SLC35B4: variants seen among roughly 807,000 people sequenced by gnomAD.
SLC35B4 encodes the protein nucleotide sugar transporter SLC35B4.
A neutral mutation model predicts 39.5 loss-of-function variants in SLC35B4; 28 were observed. That is an observed-to-expected ratio of 0.71 (90% CI 0.53 to 0.97). The LOEUF is 0.97. SLC35B4 is among the 50% of genes least tolerant of loss of function. The probability of loss-of-function intolerance (pLI) is 0.00; values close to 1 mark genes in which losing one functional copy is unlikely to be tolerated. For missense variants in SLC35B4, 334 were observed against 414.3 expected (o/e 0.81, Z 1.68); for synonymous variants, 145 against 150.4 (o/e 0.96, Z 0.26).
chr7:134,315,139 G>T (rs1803943431), intron 1 of SLC35B4, among the ~76,000 whole-genome samples: 1 of 152,160 alleles, frequency 6.6e-6, no homozygotes, highest in South Asian at 2.1e-4. Context: ...CAAAATCTAT[G>T]GGCTGCTCAA....
intron 8 of SLC35B4, 87 bp from the exon 9 acceptor site, chr7:134,296,553 T>C: frequency 1.1e-6 from 1 of 888,250 alleles, no homozygotes; most frequent in Non-Finnish European, 1.8e-6. Flanking sequence ...AGACTGAACA[T>C]AATAGGAACA....
At chr7:134,296,616 C>T (rs1417045590) in intron 8 of SLC35B4, 150 bp from the exon 9 acceptor site, 4 of 584,222 alleles carry the variant, frequency 6.8e-6, no homozygotes, top group African/African-American at 5.6e-5. Flanking sequence ...CTTTACTTGC[C>T]TTGACTCCAG....
upstream of SLC35B4, among the ~76,000 whole-genome samples, chr7:134,319,744 C>G (rs571975699): frequency 1.0e-3 from 155 of 152,312 alleles, 1 homozygote; most frequent in African/African-American, 3.5e-3. Flanking sequence ...CCCTAATAGG[C>G]CTTTATTTCT....
rs1055817416 is a variant in SLC35B4 at position 134,294,349 on chromosome 7, T to G, written c.*484A>C. ...GTGTCTCGGTTTACTTGGCCACTCC[T>G]GGTGATAGTGGTGCCTGCAGCGTCT... On this transcript the variant is annotated 3_prime_UTR_variant, in exon 10 of 10. Coordinates refer to ENST00000378509, the MANE Select transcript of SLC35B4 (RefSeq NM_032826.5). 1.3e-5 allele frequency: 2 copies of G among 157,466 alleles called. No individual in the cohort carries two copies. The highest frequency in any genetic ancestry group is 4.8e-5 in the African/African-American group (2 of 41,498). 9.8% of individuals were successfully genotyped at this position (157,466 alleles called of 1,614,324 possible).
At chr7:134,317,934 G>A (rs965188399), upstream of SLC35B4, among the ~76,000 whole-genome samples, 1 of 152,182 alleles carries the variant, frequency 6.6e-6, no homozygotes, top group East Asian at 1.9e-4. Context: ...TCACTGCTCA[G>A]TATTTTACCA....
In SLC35B4 at chr7:134,294,844, T is replaced by C. The variant is rs1293281968; in HGVS notation, c.985A>G (p.Lys329Glu). The part of the protein sequence containing the change: ...TTKSEPQKDS[K>E]KN ...ACTCCAGACAGGCCTCAGTTCTTCT[T>C]GCTGTCCTTCTGAGGCTCACTTTTT... The change falls in exon 10 of 10, where the codon AAG (lysine) becomes GAG (glutamate). Residue 329 changes from lysine (K) to glutamate (E), a missense_variant. Transcript: ENST00000378509. 6.2e-7 allele frequency: 1 copy of C among 1,614,052 alleles called. No individual in the cohort carries two copies. The highest frequency in any genetic ancestry group is 8.5e-7 in the Non-Finnish European group (1 of 1,179,986).
At chr7:134,312,233 C>T (rs992442778) in intron 1 of SLC35B4, among the ~76,000 whole-genome samples, 1 of 152,108 alleles carries the variant, frequency 6.6e-6, no homozygotes, top group African/African-American at 2.4e-5. Context: ...ATTTCACTGT[C>T]GTAGTGAGTA....
chr7:134,302,882 G>C (rs1436841786), intron 4 of SLC35B4, among the ~76,000 whole-genome samples: 2 of 152,158 alleles, frequency 1.3e-5, no homozygotes, highest in African/African-American at 4.8e-5. Flanking sequence ...AATGGGCAGA[G>C]AAAGGGACTA....
At chr7:134,312,664 A>C (rs191913983) in intron 1 of SLC35B4, among the ~76,000 whole-genome samples, 2 of 152,372 alleles carry the variant, frequency 1.3e-5, no homozygotes, top group African/African-American at 4.8e-5. Context: ...AATGATTCAC[A>C]TGACATGTGT....
intron 1 of SLC35B4, among the ~76,000 whole-genome samples, chr7:134,314,806 T>A (rs1803931930): frequency 1.3e-5 from 2 of 152,204 alleles, no homozygotes. Flanking sequence ...AGTGCTGGGA[T>A]TACAGGTGTG....
At chr7:134,303,673 G>A (rs956110411) in intron 4 of SLC35B4, among the ~76,000 whole-genome samples, 2 of 152,150 alleles carry the variant, frequency 1.3e-5, no homozygotes, top group Non-Finnish European at 2.9e-5. Flanking sequence ...TACTTTCCAA[G>A]CATGTATAGA....
chr7:134,316,778 C>G lies in SLC35B4; in HGVS notation c.-27G>C. ...GCCGGTGCAGGGTTGGGGAAGCAAG[C>G]GCACAGAGTAAGCGCCCGCCTGTAC... On this transcript the variant is annotated 5_prime_UTR_variant, in exon 1 of 10. Coordinates refer to ENST00000378509, the MANE Select transcript of SLC35B4 (RefSeq NM_032826.5). 1 of 1,540,608 alleles carries G rather than the reference C, an allele frequency of 6.5e-7. No homozygotes were observed. Among genetic ancestry groups the G allele is most frequent in the South Asian group, 1.2e-5 (1 of 83,440 alleles).
Position 134,294,726 on chromosome 7 carries a change from G to T in SLC35B4, c.*107C>A. 7.0e-7 allele frequency: 1 copy of T among 1,421,146 alleles called. No individual in the cohort carries two copies. The highest frequency in any genetic ancestry group is 9.5e-7 in the Non-Finnish European group (1 of 1,048,608). 88.0% of individuals were successfully genotyped at this position (1,421,146 alleles called of 1,614,324 possible). ...CCTGAAGATTTCCTTTTGCACGGCT[G>T]GCTCAGCACTGCGGGTAGCTCGGCA... On this transcript the variant is annotated 3_prime_UTR_variant, in exon 10 of 10. Coordinates refer to ENST00000378509, the MANE Select transcript of SLC35B4 (RefSeq NM_032826.5).
rs1167575515 is a variant in SLC35B4, at chr7:134,291,820, A to G, written c.*3013T>C. ...AATCAAAAATAAATTACTAATAAAC[A>G]TGAAAAAGATAACATGTTTCTAATA... On this transcript the variant is annotated 3_prime_UTR_variant, in exon 10 of 10. Coordinates refer to ENST00000378509, the MANE Select transcript of SLC35B4 (RefSeq NM_032826.5). 2.6e-5 allele frequency: 4 copies of G among 152,280 alleles called. No individual in the cohort carries two copies. Among genetic ancestry groups the G allele is most frequent in the Admixed American group, 2.0e-4 (3 of 15,290 alleles). 9.4% of individuals were successfully genotyped at this position (152,280 alleles called of 1,614,324 possible).
chr7:134,314,185 T>C (rs2117322909), intron 1 of SLC35B4, among the ~76,000 whole-genome samples: 1 of 152,338 alleles, frequency 6.6e-6, no homozygotes, highest in African/African-American at 2.4e-5. Context: ...CTTTCTTTTA[T>C]ATATTAAAGA....
At chr7:134,306,300 G>A (rs967839772) in intron 3 of SLC35B4, among the ~76,000 whole-genome samples, 3 of 149,126 alleles carry the variant, frequency 2.0e-5, no homozygotes, top group Non-Finnish European at 3.0e-5. Context: ...TCTCTTTCAT[G>A]TTCTAGAAGT....
rs770425980 is a variant in SLC35B4, at chr7:134,295,083, G to A, written c.750-4C>T. On this transcript the variant is annotated splice_region_variant and splice_polypyrimidine_tract_variant and intron_variant, in intron 9 of 9. Transcript: ENST00000378509. The stretch of plus-strand genomic sequence containing the variant: ...CACACCCCGGATGCACACGTACCTG[G>A]AGGAGTGGAGTCAAGGTAGTTTTCT... 7.4e-6 allele frequency: 12 copies of A among 1,613,614 alleles called. No homozygotes were observed. Among genetic ancestry groups the A allele is most frequent in the Non-Finnish European group, 1.0e-5 (12 of 1,179,786 alleles).
chr7:134,318,524 C>G (rs1804046170), upstream of SLC35B4, among the ~76,000 whole-genome samples: 1 of 151,708 alleles, frequency 6.6e-6, no homozygotes, highest in South Asian at 2.1e-4. Flanking sequence ...ATAATAGTAC[C>G]AGTTCTACCT....
intron 1 of SLC35B4, among the ~76,000 whole-genome samples, chr7:134,316,294 G>A (rs956408601): frequency 2.6e-5 from 4 of 152,144 alleles, no homozygotes; most frequent in African/African-American, 9.7e-5. Context: ...AAGAGAGAGT[G>A]GTTTGGTGAA....
Sources: gnomAD v4.1 joint callset for allele counts (sites outside exome capture counted in the v4.1 genomes callset) on GRCh38, gnomAD v4.1.1 for gene constraint, MANE v1.5 for transcripts, NCBI Gene and HGNC (gene_info 2026-07-23, HGNC 2026-07-21) for gene names.